FAM227B: variants seen among roughly 807,000 people sequenced by gnomAD.
FAM227B encodes family with sequence similarity 227 member B.
In FAM227B, 88 loss-of-function variants were observed where a neutral mutation model predicts 73.8. The observed-to-expected ratio is 1.19, with a 90% CI of 1.00 to 1.42. The LOEUF is 1.42. FAM227B is among the 40% of genes most tolerant of loss of function. The pLI, the probability that FAM227B is intolerant of heterozygous loss-of-function variation, is 0.00. For synonymous variants in FAM227B, 210 were observed against 190.5 expected, an observed-to-expected ratio of 1.10 and a Z score of -0.84; for missense variants, 632 against 590.9, an observed-to-expected ratio of 1.07 and a Z score of -0.72.
At position 49,385,707 on chromosome 15, in the gene FAM227B, T is replaced by C. The variant is rs188940942; in HGVS notation, c.1013-14308A>G. On this transcript the variant is annotated intron_variant, in intron 11 of 15. Transcript: ENST00000299338. ...AATACTCCACTTAAAAGATACAGAA[T>C]GGCAGAATGGATAAAAAAATCACAA... 4.6e-5 allele frequency among the ~76,000 whole-genome samples: 7 copies of C among 151,460 alleles called. 1 individual carries two copies. In the East Asian group the frequency reaches 1.4e-3, roughly 29 times the overall value.
At chr15:49,574,549 T>C (rs1186762818) in intron 8 of FAM227B, among the ~76,000 whole-genome samples, 1 of 152,174 alleles carries the variant, frequency 6.6e-6, no homozygotes, top group Non-Finnish European at 1.5e-5. Flanking sequence ...TGATTGTAAG[T>C]TTCCTGAGGC....
At chr15:49,477,084 A>G (rs2055408323) in intron 11 of FAM227B, among the ~76,000 whole-genome samples, 1 of 150,964 alleles carries the variant, frequency 6.6e-6, no homozygotes, top group South Asian at 2.1e-4. Context: ...AATTGAGCAG[A>G]TAATAGAGTT....
At chr15:49,349,020 G>T (rs1277226614) in intron 13 of FAM227B, among the ~76,000 whole-genome samples, 2 of 152,032 alleles carry the variant, frequency 1.3e-5, no homozygotes, top group African/African-American at 4.8e-5. Context: ...AAAAAATGAT[G>T]TAACTCACTC....
chr15:49,568,356 A>C lies in FAM227B; in HGVS notation c.646-10T>G. 6.6e-7 allele frequency: 1 copy of C among 1,510,922 alleles called. No homozygotes were observed. Among genetic ancestry groups the C allele is most frequent in the East Asian group, 2.3e-5 (1 of 42,988 alleles). 93.6% of individuals were successfully genotyped at this position (1,510,922 alleles called of 1,614,324 possible). A position where few individuals can be genotyped will look rare whatever the true frequency, so the allele number is the denominator to read the frequency against. On this transcript the variant is annotated splice_polypyrimidine_tract_variant and intron_variant, in intron 8 of 15. Transcript: ENST00000299338. ...GGTTTTCTCTGTCAGGCTTAAAAAA[A>C]TGTGTGAAATTAAAGTCAATATTAC...
At chr15:49,548,581 A>G (rs1598113900) in intron 9 of FAM227B, among the ~76,000 whole-genome samples, 1 of 152,148 alleles carries the variant, frequency 6.6e-6, no homozygotes, top group East Asian at 1.9e-4. Context: ...TTTTTTGGAA[A>G]TAGTTTGAGT....
At chr15:49,427,287 T>C (rs1196844644) in intron 11 of FAM227B, among the ~76,000 whole-genome samples, 2 of 152,040 alleles carry the variant, frequency 1.3e-5, no homozygotes, top group Non-Finnish European at 2.9e-5. Flanking sequence ...TTGTTTACAT[T>C]CCTCAATCAT....
At chr15:49,574,704 A>AGT (rs1301863790) in intron 8 of FAM227B, 2 of 168,288 alleles carry the variant, frequency 1.2e-5, no homozygotes, top group African/African-American at 4.8e-5. Flanking sequence ...TCACCTTTCT[A>AGT]ATTCTGGATC....
At chr15:49,337,349 A>G (rs751846543) in intron 13 of FAM227B, among the ~76,000 whole-genome samples, 2 of 152,004 alleles carry the variant, frequency 1.3e-5, no homozygotes, top group Non-Finnish European at 2.9e-5. Flanking sequence ...CCCCATCAGC[A>G]TCTATTGTTT....
At chr15:49,471,531 ATAT>A (rs1295728519) in intron 11 of FAM227B, among the ~76,000 whole-genome samples, 7 of 142,312 alleles carry the variant, frequency 4.9e-5, no homozygotes, top group Non-Finnish European at 7.8e-5. Context: ...AATAATAATA[ATAT>A]GGCAAATGTA....
intron 11 of FAM227B, among the ~76,000 whole-genome samples, chr15:49,450,063 T>C (rs1341561071): frequency 6.6e-6 from 1 of 152,148 alleles, no homozygotes; most frequent in Non-Finnish European, 1.5e-5. Context: ...GCCAAAGTTG[T>C]ATAAATCCAT....
chr15:49,393,828 G>A (rs1352342231), intron 11 of FAM227B, among the ~76,000 whole-genome samples: 2 of 152,052 alleles, frequency 1.3e-5, no homozygotes, highest in Non-Finnish European at 2.9e-5. Context: ...AATTTATGGA[G>A]GGCTTGAATT....
At chr15:49,565,026 T>C (rs1351537259) in intron 9 of FAM227B, among the ~76,000 whole-genome samples, 1 of 152,110 alleles carries the variant, frequency 6.6e-6, no homozygotes, top group Non-Finnish European at 1.5e-5. Flanking sequence ...AAGTATATTT[T>C]TAAGTAACTG....
At chr15:49,360,242 A>G (rs1596517583) in intron 13 of FAM227B, among the ~76,000 whole-genome samples, 1 of 87,604 alleles carries the variant, frequency 1.1e-5, no homozygotes, top group Admixed American at 1.0e-4. Context: ...AGTATAAGGA[A>G]AAAAAAAAAA....
chr15:49,327,872 G>T lies in FAM227B; in HGVS notation c.*696C>A. ...TATTTTCTTCTTAGAACTTAGATAGGCTATGTGTTCTACAAACACCAAGCA... is the reference window on the plus strand; with the variant it reads ...TATTTTCTTCTTAGAACTTAGATAGTCTATGTGTTCTACAAACACCAAGCA... On this transcript the variant is annotated 3_prime_UTR_variant, in exon 16 of 16. Transcript: ENST00000299338. 1 of 1,348,564 alleles carries T rather than the reference G, an allele frequency of 7.4e-7. No individual in the cohort carries two copies. Among genetic ancestry groups the T allele is most frequent in the Non-Finnish European group, 1.0e-6 (1 of 977,892 alleles). 83.5% of individuals were successfully genotyped at this position (1,348,564 alleles called of 1,614,324 possible). A position where few individuals can be genotyped will look rare whatever the true frequency, so the allele number is the denominator to read the frequency against.
intron 9 of FAM227B, among the ~76,000 whole-genome samples, chr15:49,554,594 A>G (rs1429726785): frequency 1.3e-5 from 2 of 152,152 alleles, no homozygotes; most frequent in African/African-American, 2.4e-5. Context: ...TGAGTTAACT[A>G]TCTCACAATG....
chr15:49,348,551 A>G (rs566573306), intron 13 of FAM227B, among the ~76,000 whole-genome samples: 1 of 152,310 alleles, frequency 6.6e-6, no homozygotes, highest in East Asian at 1.9e-4. Context: ...GAAATTTTGG[A>G]GCACCTCACA....
chr15:49,539,391 G>A (rs1176508914), intron 10 of FAM227B, among the ~76,000 whole-genome samples: 2 of 152,148 alleles, frequency 1.3e-5, no homozygotes, highest in African/African-American at 2.4e-5. Context: ...GGGCATCTTC[G>A]TGGTGGTAGT....
chr15:49,613,977 G>T (rs2078124745), intron 2 of FAM227B, among the ~76,000 whole-genome samples: 1 of 152,154 alleles, frequency 6.6e-6, no homozygotes, highest in Admixed American at 6.5e-5. Context: ...CATGGGTATA[G>T]CAATTTGGCT....
chr15:49,339,263 T>G (rs1474261489), intron 13 of FAM227B, among the ~76,000 whole-genome samples: 1 of 152,222 alleles, frequency 6.6e-6, no homozygotes, highest in South Asian at 2.1e-4. Context: ...CCCATCTTCA[T>G]GGATTTATGT....
Sources: gnomAD v4.1 joint callset for allele counts (sites outside exome capture counted in the v4.1 genomes callset) on GRCh38, gnomAD v4.1.1 for gene constraint, MANE v1.5 for transcripts, NCBI Gene and HGNC (gene_info 2026-07-23, HGNC 2026-07-21) for gene names.